Variants in MTMR3 observed in about 807,000 individuals in gnomAD.
MTMR3 encodes phosphatidylinositol-3,5-bisphosphate 3-phosphatase MTMR3.
A neutral mutation model predicts 132.4 loss-of-function variants in MTMR3; 32 were observed. The observed-to-expected ratio is 0.24, with a 90% CI of 0.18 to 0.32. MTMR3 has a LOEUF of 0.32. Among genes scored for constraint, MTMR3 ranks in the 10% least tolerant of loss-of-function variants. The pLI is 1.00. For synonymous variants in MTMR3, 556 were observed against 550.3 expected (o/e 1.01, Z -0.14); for missense variants, 1,216 against 1,489.6 (o/e 0.82, Z 3.02).
intron 1 of MTMR3, among the ~76,000 whole-genome samples, chr22:29,919,059 C>T (rs2065360497): frequency 6.6e-6 from 1 of 152,152 alleles, no homozygotes. Flanking sequence ...TTCTTATTCT[C>T]CCTACAAGGG....
chr22:30,017,280 G>A (rs1482138678), intron 15 of MTMR3: 1 of 153,848 alleles, frequency 6.5e-6, no homozygotes, highest in African/African-American at 2.4e-5. Flanking sequence ...CAGTTTCATA[G>A]TAATACTAGC....
chr22:30,002,395 C>T (rs1381701495), intron 8 of MTMR3: 1 of 153,054 alleles, frequency 6.5e-6, no homozygotes, highest in African/African-American at 2.4e-5. Context: ...CCTGTGAAGT[C>T]TCTGGAAACT....
intron 1 of MTMR3, among the ~76,000 whole-genome samples, chr22:29,911,118 G>A (rs1602455280): frequency 6.6e-6 from 1 of 152,146 alleles, no homozygotes; most frequent in African/African-American, 2.4e-5. Flanking sequence ...AATGAAACCA[G>A]AATGAGGCCA....
At chr22:29,906,525 G>A (rs941702940) in intron 1 of MTMR3, among the ~76,000 whole-genome samples, 2 of 151,618 alleles carry the variant, frequency 1.3e-5, no homozygotes, top group African/African-American at 2.4e-5. Flanking sequence ...TAATAGAGAC[G>A]GAGTTTCACC....
chr22:29,888,945 AATTTAT>A (rs2064736682), intron 1 of MTMR3, among the ~76,000 whole-genome samples: 1 of 151,798 alleles, frequency 6.6e-6, no homozygotes, highest in Non-Finnish European at 1.5e-5. Context: ...GAGAAATATA[AATTTAT>A]TTAGTTTTCA....
At chr22:29,962,242 CAG>C (rs1414851489) in intron 2 of MTMR3, among the ~76,000 whole-genome samples, 5 of 152,150 alleles carry the variant, frequency 3.3e-5, no homozygotes, top group African/African-American at 7.2e-5. Context: ...AAGTTTAACT[CAG>C]ATATATTAAT....
In MTMR3 at chr22:29,956,383, A is replaced by T. The variant is rs560263736; in HGVS notation, c.-137-653A>T. Among the ~76,000 whole-genome samples the T allele has an allele frequency of 2.3e-3, 346 of 152,156 alleles. 5 individuals are homozygous for T. Among genetic ancestry groups the T allele is most frequent in the African/African-American group, 8.0e-3 (332 of 41,520 alleles). On this transcript the variant is annotated intron_variant, in intron 1 of 19. Transcript: ENST00000401950. ...TGCCTCAGCCTCCTGAATAGCTGGG[A>T]TCACAGGCGCATGCCACCACACCCA...
Position 30,028,099 on chromosome 22 carries a change from G to A in MTMR3, c.*2298G>A, listed in dbSNP as rs2067945507. 2 of 152,398 alleles carry A rather than the reference G, an allele frequency of 1.3e-5. No individual in the cohort carries two copies. Among genetic ancestry groups the A allele is most frequent in the African/African-American group, 4.8e-5 (2 of 41,464 alleles). 9.4% of individuals were successfully genotyped at this position (152,398 alleles called of 1,614,324 possible). A position where few individuals can be genotyped will look rare whatever the true frequency, so the allele number is the denominator to read the frequency against. On this transcript the variant is annotated 3_prime_UTR_variant, in exon 20 of 20. Coordinates refer to ENST00000401950, the MANE Select transcript of MTMR3 (RefSeq NM_021090.4). ...TCCCAGGCTAAAAGAGGGCAAAGCA[G>A]TCAGGGATCTGACCTGGCAGCTATT...
intron 12 of MTMR3, chr22:30,010,877 T>G (rs1006597660): frequency 6.6e-6 from 1 of 152,168 alleles, no homozygotes; most frequent in Non-Finnish European, 1.5e-5. Flanking sequence ...TACGATTGGA[T>G]TTTTACCCAT....
intron 3 of MTMR3, among the ~76,000 whole-genome samples, chr22:29,977,026 C>G (rs1278969802): frequency 2.0e-5 from 3 of 152,038 alleles, no homozygotes; most frequent in African/African-American, 7.2e-5. Context: ...CTTGGTGGCT[C>G]ACACCTGTAA....
intron 12 of MTMR3, chr22:30,009,862 T>C (rs2067367909): frequency 6.6e-6 from 1 of 152,232 alleles, no homozygotes. Flanking sequence ...TTTTTTCTGG[T>C]ATTTGTGCTG....
chr22:29,941,158 A>G (rs2065850262), intron 1 of MTMR3, among the ~76,000 whole-genome samples: 2 of 151,990 alleles, frequency 1.3e-5, no homozygotes, highest in African/African-American at 4.8e-5. Flanking sequence ...AAATGGAATC[A>G]TACAATATTC....
chr22:29,980,292 A>G (rs563378072), intron 5 of MTMR3: 2 of 152,172 alleles, frequency 1.3e-5, no homozygotes, highest in East Asian at 3.9e-4. Context: ...GTCCAGGAGC[A>G]GTTTTGGCCT....
chr22:30,001,099 C>T (rs1040057145), intron 8 of MTMR3: 8 of 152,032 alleles, frequency 5.3e-5, no homozygotes, highest in Non-Finnish European at 8.8e-5. Context: ...CAGAAAATTT[C>T]TTAAAAATTT....
At chr22:29,887,090 G>T (rs1311075594) in intron 1 of MTMR3, among the ~76,000 whole-genome samples, 1 of 152,122 alleles carries the variant, frequency 6.6e-6, no homozygotes, top group African/African-American at 2.4e-5. Flanking sequence ...TCTTAATTTT[G>T]TGATATCAAT....
At chr22:29,898,577 A>AT (rs1455043002) in intron 1 of MTMR3, among the ~76,000 whole-genome samples, 1 of 151,964 alleles carries the variant, frequency 6.6e-6, no homozygotes, top group Non-Finnish European at 1.5e-5. Context: ...TAATTTTTGT[A>AT]TTTTTTGTAG....
At chr22:29,966,686 A>G (rs1340108770) in intron 2 of MTMR3, among the ~76,000 whole-genome samples, 1 of 150,752 alleles carries the variant, frequency 6.6e-6, no homozygotes, top group East Asian at 2.0e-4. Flanking sequence ...ATAAAAGGTT[A>G]GTTCCTTAAC....
intron 1 of MTMR3, among the ~76,000 whole-genome samples, chr22:29,941,025 A>AAGT: frequency 6.7e-6 from 1 of 150,256 alleles, no homozygotes; most frequent in Non-Finnish European, 1.5e-5. Flanking sequence ...ATGATACAGA[A>AAGT]CTTTTACATC....
chr22:30,005,883 A>G (rs188474885), intron 9 of MTMR3: 3 of 152,368 alleles, frequency 2.0e-5, no homozygotes, highest in East Asian at 1.9e-4. Flanking sequence ...TCAGTTTTAT[A>G]TAGAAACATA....
Sources: gnomAD v4.1 joint callset for allele counts (sites outside exome capture counted in the v4.1 genomes callset) on GRCh38, gnomAD v4.1.1 for gene constraint, MANE v1.5 for transcripts, NCBI Gene and HGNC (gene_info 2026-07-23, HGNC 2026-07-21) for gene names.